Variants in UNC13C observed in about 807,000 individuals in gnomAD.
UNC13C encodes the protein unc-13 homolog C.
Under a neutral mutation model 245.4 loss-of-function variants are expected in UNC13C, and 174 were observed. That is an observed-to-expected ratio of 0.71 (90% CI 0.63 to 0.80). The LOEUF (loss-of-function observed/expected upper bound fraction) is 0.80. Ranked by LOEUF, UNC13C falls within the 30% of genes least tolerant of loss-of-function variation. UNC13C has a pLI of 0.00. For synonymous variants in UNC13C, 992 were observed against 895.1 expected, an observed-to-expected ratio of 1.11 and a Z score of -1.93; for missense variants, 2,829 against 2,602.9, an observed-to-expected ratio of 1.09 and a Z score of -1.89.
At position 54,160,331 on chromosome 15, in the gene UNC13C, T is replaced by C. The variant is rs182218786; in HGVS notation, c.3071+16647T>C. Among the ~76,000 whole-genome samples the C allele has an allele frequency of 2.5e-3, 379 of 150,596 alleles. 2 individuals are homozygous for C. The highest frequency in any genetic ancestry group is 6.8e-3 in the Middle Eastern group (2 of 294). On this transcript the variant is annotated intron_variant, in intron 4 of 32. Transcript: ENST00000260323. ...CTAGATGAAAATGACAAAGAGAGCATAGAAGCCTAGACTGAATGATTAAGA... is the reference window on the plus strand; with the variant it reads ...CTAGATGAAAATGACAAAGAGAGCACAGAAGCCTAGACTGAATGATTAAGA...
At chr15:54,543,419 T>C (rs2141170207) in intron 26 of UNC13C, among the ~76,000 whole-genome samples, 1 of 151,642 alleles carries the variant, frequency 6.6e-6, no homozygotes, top group Middle Eastern at 3.4e-3. Flanking sequence ...ATTCAAAAGC[T>C]AGGAGAAAAG....
chr15:54,346,144 C>G (rs781366516), intron 17 of UNC13C, among the ~76,000 whole-genome samples: 11 of 152,082 alleles, frequency 7.2e-5, no homozygotes, highest in Non-Finnish European at 1.5e-4. Context: ...CCGGCTAAAC[C>G]GTGAGTTTCA....
intron 29 of UNC13C, 74 bp from the exon 30 acceptor site, chr15:54,567,726 C>T: frequency 7.6e-7 from 1 of 1,319,228 alleles, no homozygotes; most frequent in South Asian, 1.7e-5. Context: ...ATTTGAGCTT[C>T]TCTATTAGAG....
the UNC13C span, among the ~76,000 whole-genome samples, chr15:53,902,757 A>C: frequency 1.1e-4 from 16 of 152,182 alleles, no homozygotes; most frequent in Admixed American, 1.0e-3. Flanking sequence ...GGGTCTTCAG[A>C]AGGTTTAGGG....
intron 26 of UNC13C, among the ~76,000 whole-genome samples, chr15:54,537,000 T>C (rs756443382): frequency 2.6e-5 from 4 of 151,780 alleles, no homozygotes; most frequent in Admixed American, 2.0e-4. Flanking sequence ...GCAAGAGAAA[T>C]AAATAAAAGG....
chr15:54,493,621 T>C (rs192625104), intron 19 of UNC13C, among the ~76,000 whole-genome samples: 14 of 152,104 alleles, frequency 9.2e-5, no homozygotes, highest in African/African-American at 3.4e-4. Context: ...ATGTAAAGTA[T>C]AGGATGTTTC....
At chr15:54,348,507 A>C (rs895134480) in intron 17 of UNC13C, among the ~76,000 whole-genome samples, 1 of 152,176 alleles carries the variant, frequency 6.6e-6, no homozygotes, top group Non-Finnish European at 1.5e-5. Flanking sequence ...ATCAAAAAAC[A>C]TCTCTTTGTA....
the UNC13C span, among the ~76,000 whole-genome samples, chr15:53,901,977 ATTTTCCTC>A: frequency 6.6e-6 from 1 of 151,896 alleles, no homozygotes; most frequent in African/African-American, 2.4e-5. Flanking sequence ...ACCCATTTCC[ATTTTCCTC>A]AATGGAAGAA....
At position 54,338,476 on chromosome 15, in the gene UNC13C, A is replaced by G. The variant is rs1567198215; in HGVS notation, c.4700A>G (p.Gln1567Arg). 1.9e-6 allele frequency: 3 copies of G among 1,613,048 alleles called. No homozygotes were observed. The highest frequency in any genetic ancestry group is 2.5e-6 in the Non-Finnish European group (3 of 1,179,210). The change falls in exon 17 of 33, where the codon CAG becomes CGG. Residue 1567 changes from glutamine (Q) to arginine (R), a missense_variant. Physicochemically the swap from Gln to Arg is conservative, Grantham distance 43 (BLOSUM62 1). Coordinates refer to ENST00000260323, the MANE Select transcript of UNC13C (RefSeq NM_001080534.3). The part of the protein sequence containing the change: ...IFDNCHELYS[Q>R]LTDPSKKQDI... ...GACAACTGCCATGAACTCTACTCCC[A>G]GCTAACAGACCCGGTAAGAAAATAT...
chr15:54,571,383 A>G (rs754938186), intron 30 of UNC13C, among the ~76,000 whole-genome samples: 8 of 152,174 alleles, frequency 5.3e-5, no homozygotes, highest in Non-Finnish European at 1.0e-4. Context: ...TGATAGCAAC[A>G]CAGGAAAAAC....
chr15:53,852,212 T>C, the UNC13C span, among the ~76,000 whole-genome samples: 8 of 152,310 alleles, frequency 5.3e-5, no homozygotes, highest in Admixed American at 3.3e-4. Flanking sequence ...GGTCTGACGC[T>C]TGGTGTGTGG....
At chr15:54,241,055 T>C (rs543543410) in intron 7 of UNC13C, among the ~76,000 whole-genome samples, 1 of 152,314 alleles carries the variant, frequency 6.6e-6, no homozygotes, top group East Asian at 1.9e-4. Flanking sequence ...TTGTATCCAC[T>C]CTTGCTGCAA....
chr15:54,353,631 G>T (rs999119602), intron 17 of UNC13C, among the ~76,000 whole-genome samples: 1 of 152,000 alleles, frequency 6.6e-6, no homozygotes, highest in African/African-American at 2.4e-5. Flanking sequence ...CAATCATCTG[G>T]CCTCATTTAC....
intron 19 of UNC13C, among the ~76,000 whole-genome samples, chr15:54,470,023 G>T (rs772664305): frequency 7.9e-5 from 12 of 151,420 alleles, no homozygotes; most frequent in Non-Finnish European, 1.5e-4. Context: ...ATGCTCATAT[G>T]GTCTTTGTTC....
chr15:54,631,958 T>A (rs763886926), downstream of UNC13C: 4 of 152,196 alleles, frequency 2.6e-5, no homozygotes, highest in Non-Finnish European at 5.9e-5. Flanking sequence ...CCAGAAGCAA[T>A]GTATGAGAGT....
At chr15:54,599,560 A>G (rs1305252200) in intron 30 of UNC13C, among the ~76,000 whole-genome samples, 1 of 152,116 alleles carries the variant, frequency 6.6e-6, no homozygotes, top group Non-Finnish European at 1.5e-5. Context: ...TTTTCCAACG[A>G]TATTTGTTCA....
intron 19 of UNC13C, among the ~76,000 whole-genome samples, chr15:54,432,488 C>T (rs200473674): frequency 2.0e-5 from 3 of 151,730 alleles, no homozygotes; most frequent in Non-Finnish European, 4.4e-5. Flanking sequence ...ACAACCTGCT[C>T]CTGAATGACT....
rs200883182 is a variant in UNC13C, at chr15:54,546,445, G to A, written c.5697-277G>A. ...TAACAAACCTGCACATTCTGCACAC[G>A]TATCCCAAAACTTAAAGTATAATGG... On this transcript the variant is annotated intron_variant, in intron 26 of 32. Transcript: ENST00000260323. Among the ~76,000 whole-genome samples, 5 of 152,116 alleles carry A rather than the reference G, an allele frequency of 3.3e-5. No homozygotes were observed. The East Asian group carries it at 9.7e-4, about 29-fold the overall frequency.
intron 2 of UNC13C, among the ~76,000 whole-genome samples, chr15:54,112,747 CCTCA>C (rs1320403114): frequency 2.6e-5 from 4 of 152,088 alleles, no homozygotes; most frequent in African/African-American, 4.8e-5. Context: ...ACTTTCTTAC[CCTCA>C]CTATCTGCCA....
Sources: gnomAD v4.1 joint callset for allele counts (sites outside exome capture counted in the v4.1 genomes callset) on GRCh38, gnomAD v4.1.1 for gene constraint, MANE v1.5 for transcripts, NCBI Gene and HGNC (gene_info 2026-07-23, HGNC 2026-07-21) for gene names.